The following IQCB1 variants were observed in gnomAD, a reference collection of about 807,000 sequenced individuals.
IQCB1 encodes IQ calmodulin-binding motif-containing protein 1.
IQCB1 carries 56 observed loss-of-function variants against 84.4 expected under a neutral mutation model. The ratio of observed to expected loss-of-function variants is 0.66; its 90% CI spans 0.54 to 0.83. IQCB1 has a LOEUF of 0.83. IQCB1 is among the 40% of genes least tolerant of loss of function. The pLI is 0.00. For missense variants in IQCB1, 629 were observed against 682.1 expected, an observed-to-expected ratio of 0.92 and a Z score of 0.87; for synonymous variants, 210 against 234.8, an observed-to-expected ratio of 0.89 and a Z score of 0.96.
chr3:121,807,304 A>AT (rs1949636182), intron 7 of IQCB1, 40 bp downstream of exon 7: 1 of 994,044 alleles, frequency 1.0e-6, no homozygotes, highest in African/African-American at 1.7e-5. Context: ...AATGCTTCTG[A>AT]TAAAAAAAAA....
intron 12 of IQCB1, among the ~76,000 whole-genome samples, chr3:121,782,546 T>TTTTTG (rs1001039991): frequency 5.9e-5 from 9 of 152,232 alleles, no homozygotes; most frequent in Non-Finnish European, 1.0e-4. Context: ...GTTTTTGTTT[T>TTTTTG]TTTTGTTTTG....
rs1949620197 is a variant in IQCB1, at chr3:121,807,010, C to T, written c.587+334G>A. On this transcript the variant is annotated intron_variant, in intron 7 of 14. Transcript: ENST00000310864. ...TTTTTGTTGTGATCTCAATATTTTT[C>T]TTCAGATTATCACACTAATTCTCTT... 2.6e-5 allele frequency among the ~76,000 whole-genome samples: 4 copies of T among 151,916 alleles called. No homozygotes were observed. The South Asian group carries it at 8.3e-4, about 32-fold the overall frequency.
chr3:121,827,348 AAAGTT>A (rs1362070552), intron 4 of IQCB1, among the ~76,000 whole-genome samples: 3 of 152,088 alleles, frequency 2.0e-5, no homozygotes, highest in African/African-American at 7.2e-5. Context: ...CTGGGTTCCT[AAAGTT>A]AATGGGCTAA....
rs764717043 is a variant in IQCB1 at position 121,781,797 on chromosome 3, A to G, written c.1356T>C (p.Asp452=). 4.3e-6 allele frequency: 7 copies of G among 1,613,812 alleles called. No homozygotes were observed. The highest frequency in any genetic ancestry group is 8.5e-7 in the Non-Finnish European group (1 of 1,179,884). Residue 452 remains aspartate (D), a synonymous_variant, in exon 13 of 15, where the codon GAT becomes GAC. Transcript: ENST00000310864. The part of the protein sequence containing the change: ...APWRGLQELT[D]ARRVELKKRV... ...GTTTCTTCAGTTCAACTCGGCGTGC[A>G]TCAGTGAGTTCTTGGAGTCCTCGCC...
In IQCB1 at chr3:121,828,857, T is replaced by A. The variant is rs1294831866; in HGVS notation, c.100+4A>T. The A allele has an allele frequency of 7.2e-6, 11 of 1,536,298 alleles. No homozygotes were observed. The highest frequency in any genetic ancestry group is 1.8e-6 in the Non-Finnish European group (2 of 1,110,778). On this transcript the variant is annotated splice_donor_region_variant and intron_variant, in intron 3 of 14. Coordinates refer to ENST00000310864, the MANE Select transcript of IQCB1 (RefSeq NM_001023570.4). ...GCTATCTAATCACAAAAAGATTTTC[T>A]TACCTTTTAACTTCAACAGTATAAC...
Position 121,772,647 on chromosome 3 carries a change from A to T in IQCB1, c.1477T>A (p.Tyr493Asn), listed in dbSNP as rs1487634433. ...HAQAQERLQH[Y>N]FMGRALEERA... ...TCTTCTAGGGCCCTGCCCATAAAGT[A>T]GTGTTGCAGTCGTTCTTGAGCTTGG... is the stretch of plus-strand genomic sequence containing the variant. The change falls in exon 14 of 15, where the codon TAC becomes AAC. Residue 493 changes from tyrosine to asparagine, a missense_variant. Coordinates refer to ENST00000310864, the MANE Select transcript of IQCB1 (RefSeq NM_001023570.4). 1 of 1,614,200 alleles carries T rather than the reference A, an allele frequency of 6.2e-7. No individual in the cohort carries two copies. The highest frequency in any genetic ancestry group is 8.5e-7 in the Non-Finnish European group (1 of 1,180,026).
At chr3:121,830,473 T>C (rs1402923057) in intron 2 of IQCB1, among the ~76,000 whole-genome samples, 1 of 152,162 alleles carries the variant, frequency 6.6e-6, no homozygotes, top group Non-Finnish European at 1.5e-5. Flanking sequence ...TCCTTATTTA[T>C]AGTAAAGCTA....
intron 10 of IQCB1, among the ~76,000 whole-genome samples, chr3:121,792,103 A>G (rs923394930): frequency 2.6e-5 from 4 of 152,190 alleles, no homozygotes; most frequent in African/African-American, 9.7e-5. Context: ...CAACAACGAC[A>G]AAAAACTACC....
In IQCB1 at chr3:121,772,632, C is replaced by A; in HGVS notation, c.1492G>T (p.Ala498Ser). 2 of 1,614,226 alleles carry A rather than the reference C, an allele frequency of 1.2e-6. No homozygotes were observed. The highest frequency in any genetic ancestry group is 1.3e-5 in the African/African-American group (1 of 75,066). Residue 498 changes from alanine to serine, a missense_variant, in exon 14 of 15, where the codon GCC (alanine) becomes TCC (serine). Coordinates refer to ENST00000310864, the MANE Select transcript of IQCB1 (RefSeq NM_001023570.4). The part of the protein sequence containing the change: ...ERLQHYFMGR[A>S]LEERAQQHRE... Reference sequence around the variant, plus strand: ...TGCTGCTGGGCTCGCTCTTCTAGGGCCCTGCCCATAAAGTAGTGTTGCAGT... The same window carrying A: ...TGCTGCTGGGCTCGCTCTTCTAGGGACCTGCCCATAAAGTAGTGTTGCAGT...
Sources: allele counts gnomAD v4.1 joint callset (sites outside exome capture counted in the v4.1 genomes callset), GRCh38; gene constraint gnomAD v4.1.1; transcripts MANE v1.5; gene names NCBI Gene and HGNC (gene_info 2026-07-23, HGNC 2026-07-21).